Variants in PSG1 observed in about 807,000 individuals in gnomAD.
PSG1 encodes the protein pregnancy specific beta-1-glycoprotein 1.
PSG1 carries 60 observed loss-of-function variants against 41.4 expected under a neutral mutation model. The ratio of observed to expected loss-of-function variants is 1.45; its 90% confidence interval spans 1.18 to 1.80. The LOEUF (loss-of-function observed/expected upper bound fraction) is 1.80. Among genes scored for constraint, PSG1 ranks in the 40% most tolerant of loss-of-function variants. The pLI is 0.00. For missense variants in PSG1, 806 were observed against 516.9 expected (o/e 1.56, Z -5.42); for synonymous variants, 256 against 192.9 (o/e 1.33, Z -2.71).
chr19:42,868,956 T>G lies in PSG1; in HGVS notation c.788A>C (p.Glu263Ala). 1 of 1,610,568 alleles carries G rather than the reference T, an allele frequency of 6.2e-7. No homozygotes were observed. Among genetic ancestry groups the G allele is most frequent in the Non-Finnish European group, 8.5e-7 (1 of 1,179,048 alleles). ...GTAGGTGTAGTTCTCACTCTTAGGT[T>G]CACAGGTGAAGTTTAAGACATCCTT... ...ENKDVLNFTC[E>A]PKSENYTYIW... Residue 263 changes from glutamate (E) to alanine (A), a missense_variant, in exon 4 of 6, where the codon GAA (glutamate) becomes GCA (alanine). Physicochemically the swap from Glu to Ala is moderately radical, Grantham distance 107. Coordinates refer to ENST00000436291, the MANE Select transcript of PSG1 (RefSeq NM_001184825.2).
intron 2 of PSG1, among the ~76,000 whole-genome samples, chr19:42,875,102 G>A (rs1467663120): frequency 1.3e-5 from 2 of 151,720 alleles, no homozygotes; most frequent in African/African-American, 2.4e-5. Flanking sequence ...AGTCAGTGCA[G>A]AGATTACAAC....
rs945086431 is a variant in PSG1 at position 42,879,123 on chromosome 19, T to A, written c.64+395A>T. Among the ~76,000 whole-genome samples the A allele has an allele frequency of 2.5e-4, 38 of 151,092 alleles. 1 individual carries two copies. Among genetic ancestry groups the A allele is most frequent in the African/African-American group, 8.5e-4 (35 of 41,146 alleles). On this transcript the variant is annotated intron_variant, in intron 1 of 5. Coordinates refer to ENST00000436291, the MANE Select transcript of PSG1 (RefSeq NM_001184825.2). ...CTGGTGTATTTTCCCCTATCCAGGC[T>A]CCAACAGAGCCTTCTTTCCTTTTTT...
intron 1 of PSG1, among the ~76,000 whole-genome samples, chr19:42,878,805 T>C (rs973895573): frequency 1.3e-4 from 19 of 151,066 alleles, no homozygotes; most frequent in African/African-American, 2.7e-4. Flanking sequence ...TGATCTTGGT[T>C]GCACCCCAGT....
Position 42,871,757 on chromosome 19 carries a change from A to G in PSG1, c.709+10T>C, listed in dbSNP as rs765227534. The G allele has an allele frequency of 1.4e-5, 23 of 1,612,546 alleles. No homozygotes were observed. Among genetic ancestry groups the G allele is most frequent in the Non-Finnish European group, 1.9e-5 (22 of 1,179,270 alleles). ...GCAGCCTGGCTCACAGAGGAACAGAAGATACTCACGGAGGAGATTCAGGGT... is the reference window on the plus strand; with the variant it reads ...GCAGCCTGGCTCACAGAGGAACAGAGGATACTCACGGAGGAGATTCAGGGT... On this transcript the variant is annotated intron_variant, in intron 3 of 5. Transcript: ENST00000436291.
At position 42,874,670 on chromosome 19, in the gene PSG1, C is replaced by T. The variant is rs910065047; in HGVS notation, c.431-2625G>A. ...CTGAGGGAGTTTAATGAGTTGTTGC[C>T]TTTTGAGTTTGTTCAGCTTTTTACT... On this transcript the variant is annotated intron_variant, in intron 2 of 5. Transcript: ENST00000436291. Among the ~76,000 whole-genome samples, 6 of 151,728 alleles carry T rather than the reference C, an allele frequency of 4.0e-5. 1 individual carries two copies. The highest frequency in any genetic ancestry group is 1.5e-4 in the African/African-American group (6 of 41,288).
Position 42,867,803 on chromosome 19 carries a change from A to T in PSG1, c.1243+298T>A. ...AATGTAGAAAACAAACCATTTAAAG[A>T]ATCAGCAAATTTTCAAATAAAAATC... is the stretch of plus-strand genomic sequence containing the variant. On this transcript the variant is annotated intron_variant, in intron 5 of 5. Coordinates refer to ENST00000436291, the MANE Select transcript of PSG1 (RefSeq NM_001184825.2). 5 of 1,197,934 alleles carry T rather than the reference A, an allele frequency of 4.2e-6. 1 individual carries two copies. The highest frequency in any genetic ancestry group is 2.3e-5 in the Admixed American group (1 of 43,780). 74.2% of individuals were successfully genotyped at this position (1,197,934 alleles called of 1,614,324 possible).
At chr19:42,874,167 T>C (rs1971508933) in intron 2 of PSG1, 1 of 151,678 alleles carries the variant, frequency 6.6e-6, no homozygotes, top group Non-Finnish European at 1.5e-5. Context: ...AAATTGCTAT[T>C]GTCAAAACAA....
intron 2 of PSG1, chr19:42,873,955 A>C (rs1971498359): frequency 6.6e-6 from 1 of 151,546 alleles, no homozygotes; most frequent in Non-Finnish European, 1.5e-5. Context: ...GTGAGATGGC[A>C]ATGGCTCTTG....
At position 42,871,995 on chromosome 19, in the gene PSG1, T is replaced by G; in HGVS notation, c.481A>C (p.Thr161Pro). The change falls in exon 3 of 6, where the codon ACC (threonine) becomes CCC (proline). Residue 161 changes from threonine to proline, a missense_variant. Transcript: ENST00000436291. ...ISSSNLNPRE[T>P]MEAVSLTCDP... is the part of the protein sequence containing the mutation. ...CAGGTTAAGCTCACAGCCTCCATGG[T>G]CTCCCTGGGATTTAAGTTGCTGCTG... 1.2e-6 allele frequency: 2 copies of G among 1,612,302 alleles called. No homozygotes were observed. The highest frequency in any genetic ancestry group is 1.3e-5 in the African/African-American group (1 of 74,748).
chr19:42,867,280 C>T (rs1600485054), intron 5 of PSG1, 130 bp from the exon 6 acceptor site: 1 of 692,646 alleles, frequency 1.4e-6, no homozygotes, highest in East Asian at 2.6e-5. Flanking sequence ...ATGATAATTT[C>T]AGTAGAATAA....
At chr19:42,878,994 G>C (rs62113015) in intron 1 of PSG1, among the ~76,000 whole-genome samples, 3 of 150,340 alleles carry the variant, frequency 2.0e-5, no homozygotes, top group Non-Finnish European at 3.0e-5. Flanking sequence ...TTCAAAATAT[G>C]GTGGCCCCTG....
Position 42,871,843 on chromosome 19 carries a change from A to T in PSG1, c.633T>A (p.Thr211=). 1.9e-6 allele frequency: 3 copies of T among 1,612,576 alleles called. No individual in the cohort carries two copies. Among genetic ancestry groups the T allele is most frequent in the Non-Finnish European group, 2.5e-6 (3 of 1,179,254 alleles). Residue 211 remains threonine, a synonymous_variant, in exon 3 of 6, where the codon ACT becomes ACA. Transcript: ENST00000436291. ...TLFLLGVTKY[T]AGPYECEIRN... is the part of the protein sequence containing the mutation. ...GTATTTCACATTCATAGGGTCCTGCAGTATACTTTGTGACACCCAATAGAA... is the reference window on the plus strand; with the variant it reads ...GTATTTCACATTCATAGGGTCCTGCTGTATACTTTGTGACACCCAATAGAA...
At chr19:42,879,307 C>G (rs1049275988) in intron 1 of PSG1, among the ~76,000 whole-genome samples, 1 of 151,266 alleles carries the variant, frequency 6.6e-6, no homozygotes, top group Non-Finnish European at 1.5e-5. Context: ...AGCACACCAC[C>G]ATACCTGGTT....
In PSG1 at chr19:42,868,606, G is replaced by T; in HGVS notation, c.988+150C>A. ...TCTTGGTTAAGGCTGTGCCTACCCAGGATTTCCCAGGGCAGGGAGTCATGG... is the reference window on the plus strand; with the variant it reads ...TCTTGGTTAAGGCTGTGCCTACCCATGATTTCCCAGGGCAGGGAGTCATGG... On this transcript the variant is annotated intron_variant, in intron 4 of 5. Coordinates refer to ENST00000436291, the MANE Select transcript of PSG1 (RefSeq NM_001184825.2). 3 of 1,503,636 alleles carry T rather than the reference G, an allele frequency of 2.0e-6. 1 individual carries two copies. The South Asian group carries it at 4.1e-5, about 20-fold the overall frequency. 93.1% of individuals were successfully genotyped at this position (1,503,636 alleles called of 1,614,324 possible). A position where few individuals can be genotyped will look rare whatever the true frequency, so the allele number is the denominator to read the frequency against.
In PSG1 at chr19:42,867,664, A is replaced by T. The variant is rs755415936; in HGVS notation, c.1243+437T>A. ...ATCAATTCTCATGAATAGTTGCCCA[A>T]TTCTGGGGCAGTCAGGTAGAAAGCA... On this transcript the variant is annotated intron_variant, in intron 5 of 5. Coordinates refer to ENST00000436291, the MANE Select transcript of PSG1 (RefSeq NM_001184825.2). The T allele has an allele frequency of 1.1e-5, 8 of 758,514 alleles. 1 individual carries two copies. The Middle Eastern group carries it at 1.2e-3, about 111-fold the overall frequency. The allele number at this position is 758,514 out of a possible 1,614,324, so 47.0% of individuals were successfully genotyped here. A position where few individuals can be genotyped will look rare whatever the true frequency, so the allele number is the denominator to read the frequency against.
At position 42,871,685 on chromosome 19, in the gene PSG1, T is replaced by C. The variant is rs748049764; in HGVS notation, c.709+82A>G. On this transcript the variant is annotated intron_variant, in intron 3 of 5. Transcript: ENST00000436291. ...GGGGTAAAGGTCTCTGTATTGGACC[T>C]GAGAGGGACAGAGAGGCCTGGCCTC... The C allele has an allele frequency of 1.3e-5, 21 of 1,612,000 alleles. 1 individual carries two copies. In the East Asian group the frequency reaches 2.7e-4, roughly 21 times the overall value.
intron 2 of PSG1, among the ~76,000 whole-genome samples, chr19:42,872,322 C>T (rs1317833006): frequency 2.6e-5 from 4 of 151,628 alleles, no homozygotes; most frequent in Non-Finnish European, 4.4e-5. Context: ...GTCACAGCCC[C>T]TGGTGCCTCT....
At chr19:42,867,216 CA>C (rs1971169599) in intron 5 of PSG1, 66 bp from the exon 6 acceptor site, 2 of 762,300 alleles carry the variant, frequency 2.6e-6, no homozygotes, top group African/African-American at 3.4e-5. Flanking sequence ...AGGTATACTA[CA>C]GTTTTTATTT....
chr19:42,867,901 G>T, intron 5 of PSG1, 200 bp downstream of exon 5: 1 of 1,473,580 alleles, frequency 6.8e-7, no homozygotes, highest in Non-Finnish European at 9.1e-7. Context: ...TCTAGGCTGG[G>T]AATATTATGA....
Sources: allele counts gnomAD v4.1 joint callset (sites outside exome capture counted in the v4.1 genomes callset), GRCh38; gene constraint gnomAD v4.1.1; transcripts MANE v1.5; gene names NCBI Gene and HGNC (gene_info 2026-07-23, HGNC 2026-07-21).